MAST2: variants seen among roughly 807,000 people sequenced by gnomAD.
The protein encoded by MAST2 is microtubule associated serine/threonine kinase 2.
Under a neutral mutation model 147.4 loss-of-function variants are expected in MAST2, and 70 were observed. The ratio of observed to expected loss-of-function variants is 0.47; its 90% CI spans 0.39 to 0.58. The LOEUF is 0.58. MAST2 is among the 20% of genes least tolerant of loss of function. MAST2 has a pLI of 0.00. For missense variants in MAST2, 2,080 were observed against 2,302.3 expected, an observed-to-expected ratio of 0.90 and a Z score of 1.98; for synonymous variants, 869 against 896.8, an observed-to-expected ratio of 0.97 and a Z score of 0.55.
chr1:45,863,712 G>A (rs753060652), intron 3 of MAST2, among the ~76,000 whole-genome samples: 3 of 152,170 alleles, frequency 2.0e-5, no homozygotes, highest in African/African-American at 4.8e-5. Flanking sequence ...CTGGCCTTTA[G>A]CTATTGCTAT....
chr1:45,966,359 A>G (rs1042783407), intron 5 of MAST2, among the ~76,000 whole-genome samples: 7 of 152,026 alleles, frequency 4.6e-5, no homozygotes, highest in African/African-American at 1.7e-4. Flanking sequence ...TTAATTTTTA[A>G]CTTATTTGGG....
At chr1:45,906,986 A>G (rs1650863334) in intron 4 of MAST2, among the ~76,000 whole-genome samples, 1 of 152,186 alleles carries the variant, frequency 6.6e-6, no homozygotes, top group African/African-American at 2.4e-5. Context: ...ATGCAGTAAC[A>G]TGCTATACAG....
intron 4 of MAST2, among the ~76,000 whole-genome samples, chr1:45,936,401 T>G (rs1183263483): frequency 6.6e-6 from 1 of 152,198 alleles, no homozygotes; most frequent in African/African-American, 2.4e-5. Flanking sequence ...GGACTTCCTA[T>G]GTGGAATAGG....
At position 46,023,925 on chromosome 1, in the gene MAST2, G is replaced by A. The variant is rs1344387361; in HGVS notation, c.1725G>A (p.Met575Ile). The A allele has an allele frequency of 6.2e-7, 1 of 1,614,110 alleles. No individual in the cohort carries two copies. Among genetic ancestry groups the A allele is most frequent in the African/African-American group, 1.3e-5 (1 of 74,940 alleles). The change falls in exon 15 of 29, where the codon ATG becomes ATA. Residue 575 changes from methionine (M) to isoleucine (I), a missense_variant. Physicochemically the swap from Met to Ile is conservative, Grantham distance 10 (BLOSUM62 1). Around this residue, in one of 4 missense-constraint regions of MAST2, gnomAD observed 209 missense variants for 309.5 expected, o/e 0.68. Coordinates refer to ENST00000361297, the MANE Select transcript of MAST2 (RefSeq NM_015112.3). The surrounding 1 kb of genome is among the most constrained non-coding windows in gnomAD (Gnocchi z 4.9). ...TFAENPFVVS[M>I]FCSFDTKRHL... Reference sequence around the variant, plus strand: ...CTGAGAACCCCTTTGTGGTCAGCATGTTCTGCTCCTTTGATACCAAGCGCC... The same window carrying A: ...CTGAGAACCCCTTTGTGGTCAGCATATTCTGCTCCTTTGATACCAAGCGCC...
chr1:45,902,587 G>A (rs1249798350), intron 4 of MAST2, among the ~76,000 whole-genome samples: 2 of 151,794 alleles, frequency 1.3e-5, no homozygotes, highest in African/African-American at 4.8e-5. Context: ...GGTAGAACTT[G>A]GCTGTGAATC....
At chr1:46,004,024 A>G (rs1325476688) in intron 7 of MAST2, among the ~76,000 whole-genome samples, 1 of 152,098 alleles carries the variant, frequency 6.6e-6, no homozygotes. Context: ...CAAAGATGTC[A>G]TTGGTCTTTG....
chr1:45,844,827 G>A (rs766495502), intron 3 of MAST2, among the ~76,000 whole-genome samples: 3 of 152,124 alleles, frequency 2.0e-5, no homozygotes, highest in East Asian at 1.9e-4. Flanking sequence ...CAGAATACTC[G>A]AAACTGGGTA....
intron 5 of MAST2, among the ~76,000 whole-genome samples, chr1:45,960,497 C>G (rs1660266982): frequency 6.6e-6 from 1 of 151,924 alleles, no homozygotes; most frequent in South Asian, 2.1e-4. Flanking sequence ...AGAATGAGAC[C>G]CCATCTCAAA....
chr1:45,940,643 A>T (rs1657110036), intron 4 of MAST2, among the ~76,000 whole-genome samples: 1 of 148,652 alleles, frequency 6.7e-6, no homozygotes, highest in Non-Finnish European at 1.5e-5. Context: ...TTTTTGAGAC[A>T]GAGTCTCGCT....
At chr1:45,849,550 G>A (rs1294733247) in intron 3 of MAST2, among the ~76,000 whole-genome samples, 2 of 149,746 alleles carry the variant, frequency 1.3e-5, no homozygotes, top group Admixed American at 1.3e-4. Context: ...TTTTTGAGAT[G>A]GAGTCTCTCT....
At chr1:46,006,934 T>A (rs1465549864) in intron 8 of MAST2, among the ~76,000 whole-genome samples, 1 of 152,220 alleles carries the variant, frequency 6.6e-6, no homozygotes, top group African/African-American at 2.4e-5. Flanking sequence ...AAGTTGCTGC[T>A]GAAGACAGGT....
At chr1:45,984,312 T>G (rs1644528592) in intron 5 of MAST2, among the ~76,000 whole-genome samples, 1 of 151,650 alleles carries the variant, frequency 6.6e-6, no homozygotes, top group Non-Finnish European at 1.5e-5. Context: ...TTTTAATTTT[T>G]TTTTTTTTTG....
At chr1:45,833,414 CAT>C (rs1645016449) in intron 3 of MAST2, among the ~76,000 whole-genome samples, 1 of 151,934 alleles carries the variant, frequency 6.6e-6, no homozygotes, top group South Asian at 2.1e-4. Flanking sequence ...AAAAAAATTA[CAT>C]AGAGTGAAAA....
intron 21 of MAST2, 132 bp from the exon 22 acceptor site, chr1:46,030,475 A>AG (rs1375341107): frequency 3.7e-6 from 4 of 1,094,080 alleles, no homozygotes; most frequent in Non-Finnish European, 3.9e-6. Context: ...CCAAATATTC[A>AG]GCAGGGGTGT....
At chr1:45,926,974 G>A (rs1370843308) in intron 4 of MAST2, among the ~76,000 whole-genome samples, 1 of 152,040 alleles carries the variant, frequency 6.6e-6, no homozygotes, top group Non-Finnish European at 1.5e-5. Context: ...CCTAAGCGTC[G>A]GCTGGCTTGA....
rs1192243225 is a variant in MAST2 at position 45,902,570 on chromosome 1, T to C, written c.500+20175T>C. Among the ~76,000 whole-genome samples, 4 of 152,266 alleles carry C rather than the reference T, an allele frequency of 2.6e-5. No individual in the cohort carries two copies. In the East Asian group the frequency reaches 7.7e-4, roughly 29 times the overall value. ...CAGTAAGAGGTACAGTTCTTCTTTG[T>C]ACATCTGGTAGAACTTGGCTGTGAA... On this transcript the variant is annotated intron_variant, in intron 4 of 28. Transcript: ENST00000361297.
intron 6 of MAST2, among the ~76,000 whole-genome samples, chr1:46,001,799 C>T (rs1269659647): frequency 6.6e-6 from 1 of 152,188 alleles, no homozygotes; most frequent in Non-Finnish European, 1.5e-5. Flanking sequence ...CTTCTTCTCC[C>T]TGTCCCTGCC....
chr1:46,010,957 G>A lies in MAST2; in HGVS notation c.1188+18G>A. On this transcript the variant is annotated intron_variant, in intron 10 of 28. Coordinates refer to ENST00000361297, the MANE Select transcript of MAST2 (RefSeq NM_015112.3). ...TACAAGATGTGAGTGTCCTTGTGCT[G>A]GGGTTCTGAAAAAACCTCCACCTGG... is the stretch of plus-strand genomic sequence containing the variant. 1 of 1,606,622 alleles carries A rather than the reference G, an allele frequency of 6.2e-7. No individual in the cohort carries two copies.
At chr1:45,955,144 T>C (rs1484161784) in intron 4 of MAST2, among the ~76,000 whole-genome samples, 3 of 144,024 alleles carry the variant, frequency 2.1e-5, no homozygotes, top group African/African-American at 7.6e-5. Flanking sequence ...TACAGTTTAA[T>C]TTCTGATGAG....
Sources: allele counts gnomAD v4.1 joint callset (sites outside exome capture counted in the v4.1 genomes callset), GRCh38; gene constraint gnomAD v4.1.1; regional missense constraint gnomAD v4.1.1; non-coding constraint Gnocchi (gnomAD v3.1); transcripts MANE v1.5; gene names NCBI Gene and HGNC (gene_info 2026-07-23, HGNC 2026-07-21).